Variants in CNTN4 observed in about 807,000 individuals in gnomAD.
The protein encoded by CNTN4 is contactin-4.
Under a neutral mutation model 122.5 loss-of-function variants are expected in CNTN4, and 77 were observed. The observed-to-expected ratio is 0.63, with a 90% CI of 0.52 to 0.76. CNTN4 has a LOEUF of 0.76. Ranked by LOEUF, CNTN4 falls within the 30% of genes least tolerant of loss-of-function variation. CNTN4 has a pLI of 0.00. For missense variants in CNTN4, 1,256 were observed against 1,259.1 expected, an observed-to-expected ratio of 1.00 and a Z score of 0.04; for synonymous variants, 512 against 447.0, an observed-to-expected ratio of 1.15 and a Z score of -1.83.
At chr3:2,517,129 C>A (rs921009882) in intron 3 of CNTN4, among the ~76,000 whole-genome samples, 2 of 152,030 alleles carry the variant, frequency 1.3e-5, no homozygotes, top group Non-Finnish European at 2.9e-5. Flanking sequence ...ACATTTGGAT[C>A]AGTGAAGAGA....
intron 21 of CNTN4, 133 bp from the exon 22 acceptor site, chr3:3,042,844 C>A: frequency 1.3e-6 from 1 of 755,926 alleles, no homozygotes; most frequent in South Asian, 1.6e-5. Flanking sequence ...AGTCCTTTGT[C>A]CTGATAGCTC....
intron 2 of CNTN4, among the ~76,000 whole-genome samples, chr3:2,197,030 A>G (rs1575060532): frequency 6.8e-6 from 1 of 146,004 alleles, no homozygotes; most frequent in Non-Finnish European, 1.5e-5. Context: ...GGGCAACAAG[A>G]GCGAAACTCG....
At chr3:2,300,633 A>T (rs183062619) in intron 2 of CNTN4, among the ~76,000 whole-genome samples, 2 of 128,354 alleles carry the variant, frequency 1.6e-5, no homozygotes, top group African/African-American at 6.0e-5. Context: ...GTGCAGTGGC[A>T]CAGTCTCGGC....
In CNTN4 at chr3:2,366,017, G is replaced by A. The variant is rs375107952; in HGVS notation, c.-89+26784G>A. Among the ~76,000 whole-genome samples, 5 of 152,262 alleles carry A rather than the reference G, an allele frequency of 3.3e-5. No individual in the cohort carries two copies. In the East Asian group the frequency reaches 9.7e-4, roughly 29 times the overall value. On this transcript the variant is annotated intron_variant, in intron 3 of 24. Coordinates refer to ENST00000418658, the MANE Select transcript of CNTN4 (RefSeq NM_175607.3). ...CAAAGCATTTATTTATCCTTTGGGG[G>A]TGAGGAAGTTACAATACAATATTTT...
intron 4 of CNTN4, chr3:2,629,685 A>T (rs752423797): frequency 5.9e-6 from 2 of 340,970 alleles, no homozygotes; most frequent in Non-Finnish European, 1.2e-5. Context: ...TTCCTGATAC[A>T]TCTCTCTAGC....
intron 3 of CNTN4, among the ~76,000 whole-genome samples, chr3:2,407,499 C>T (rs1265615399): frequency 6.6e-6 from 1 of 151,964 alleles, no homozygotes; most frequent in South Asian, 2.1e-4. Context: ...GGAAAAATGC[C>T]TCAAAACATA....
chr3:2,380,736 T>G (rs2045987802), intron 3 of CNTN4, among the ~76,000 whole-genome samples: 1 of 151,786 alleles, frequency 6.6e-6, no homozygotes. Context: ...CTATTTTACA[T>G]AAGAACGAAT....
chr3:2,159,235 C>G (rs1266523441), intron 2 of CNTN4, among the ~76,000 whole-genome samples: 1 of 152,164 alleles, frequency 6.6e-6, no homozygotes, highest in Admixed American at 6.5e-5. Context: ...ACACATTGCT[C>G]TCTTAAGTAT....
intron 4 of CNTN4, among the ~76,000 whole-genome samples, chr3:2,734,997 A>G (rs1170063085): frequency 6.6e-6 from 1 of 152,212 alleles, no homozygotes; most frequent in African/African-American, 2.4e-5. Context: ...AAAATACTTC[A>G]AAGTAAAGCA....
At chr3:2,211,529 A>G (rs1277695344) in intron 2 of CNTN4, among the ~76,000 whole-genome samples, 2 of 152,154 alleles carry the variant, frequency 1.3e-5, no homozygotes, top group Non-Finnish European at 2.9e-5. Context: ...GTTTTCCTAC[A>G]TGGATTATAA....
rs774976964 is a variant in CNTN4, at chr3:2,585,838, T to TA, written c.55+14292dup. On this transcript the variant is annotated intron_variant, in intron 4 of 24. Transcript: ENST00000418658. ...ACGTACCCTAAAACTTAAAGTATAA[T>TA]AAAAAAAAAAAAGAAAAGTAACCCA... Among the ~76,000 whole-genome samples the TA allele has an allele frequency of 8.1e-3, 453 of 55,714 alleles. 1 individual carries two copies. Among genetic ancestry groups the TA allele is most frequent in the African/African-American group, 0.017 (236 of 13,980 alleles). 36.6% of individuals were successfully genotyped at this position (55,714 alleles called of 152,430 possible). A position where few individuals can be genotyped will look rare whatever the true frequency, so the allele number is the denominator to read the frequency against.
chr3:2,329,113 G>A (rs2043600364), intron 2 of CNTN4, among the ~76,000 whole-genome samples: 1 of 152,120 alleles, frequency 6.6e-6, no homozygotes, highest in African/African-American at 2.4e-5. Context: ...AAATAAATTT[G>A]CAAATATTTA....
chr3:2,165,874 A>G (rs2036173089), intron 2 of CNTN4, among the ~76,000 whole-genome samples: 1 of 151,936 alleles, frequency 6.6e-6, no homozygotes, highest in South Asian at 2.1e-4. Flanking sequence ...TTTTTTTAAG[A>G]CTGAAAAATG....
intron 3 of CNTN4, among the ~76,000 whole-genome samples, chr3:2,420,291 C>G (rs1333817479): frequency 6.6e-6 from 1 of 152,116 alleles, no homozygotes. Flanking sequence ...AGGAATAGTT[C>G]TTAATTAATG....
chr3:2,541,131 ATTAT>A (rs2078015054), intron 3 of CNTN4, among the ~76,000 whole-genome samples: 1 of 152,106 alleles, frequency 6.6e-6, no homozygotes, highest in African/African-American at 2.4e-5. Context: ...TGTTTGAAGA[ATTAT>A]TTGTTTGCAC....
intron 3 of CNTN4, among the ~76,000 whole-genome samples, chr3:2,375,535 T>C (rs191091126): frequency 6.6e-6 from 1 of 152,300 alleles, no homozygotes; most frequent in East Asian, 1.9e-4. Context: ...TTACAGATCC[T>C]ACTCTGCTTT....
At chr3:2,379,019 T>C (rs1237176974) in intron 3 of CNTN4, among the ~76,000 whole-genome samples, 1 of 152,186 alleles carries the variant, frequency 6.6e-6, no homozygotes, top group Non-Finnish European at 1.5e-5. Context: ...GCCATGTAGG[T>C]TAAATGAAGT....
intron 7 of CNTN4, among the ~76,000 whole-genome samples, chr3:2,855,643 A>C (rs2093610244): frequency 2.0e-5 from 3 of 152,164 alleles, no homozygotes; most frequent in Admixed American, 6.5e-5. Flanking sequence ...CCTTTGAGTA[A>C]CTGTGATCTG....
chr3:2,981,316 C>A (rs344388), intron 13 of CNTN4, among the ~76,000 whole-genome samples: 1 of 150,686 alleles, frequency 6.6e-6, no homozygotes, highest in Non-Finnish European at 1.5e-5. Flanking sequence ...TGGTGGCGGG[C>A]GCCTGTAGTC....
Sources: gnomAD v4.1 joint callset for allele counts (sites outside exome capture counted in the v4.1 genomes callset) on GRCh38, gnomAD v4.1.1 for gene constraint, MANE v1.5 for transcripts, NCBI Gene and HGNC (gene_info 2026-07-23, HGNC 2026-07-21) for gene names.